BCAS3: variants seen among roughly 807,000 people sequenced by gnomAD.
The protein encoded by BCAS3 is BCAS3 microtubule associated cell migration factor, also known as BCAS4/BCAS3 fusion.
BCAS3 carries 53 observed loss-of-function variants against 116.1 expected under a neutral mutation model. That is an observed-to-expected ratio of 0.46 (90% confidence interval 0.37 to 0.57). BCAS3 has a LOEUF of 0.57. BCAS3 is among the 20% of genes least tolerant of loss of function. The pLI is 0.00. For missense variants in BCAS3, 917 were observed against 1,165.4 expected (o/e 0.79, Z 3.10); for synonymous variants, 391 against 408.2 (o/e 0.96, Z 0.51).
In BCAS3 at chr17:61,181,699, G is replaced by T. The variant is rs2079492563; in HGVS notation, c.2425+97135G>T. ...CATATAGAGATACACTGGATGATAA[G>T]AGTCAACTCTAAAATCAAAATAAAT... On this transcript the variant is annotated intron_variant, in intron 22 of 23. Transcript: ENST00000407086. The surrounding 1 kb of genome is among the most constrained non-coding windows in gnomAD (Gnocchi z 5.0). Among the ~76,000 whole-genome samples the T allele has an allele frequency of 6.6e-6, 1 of 152,166 alleles. No homozygotes were observed. Among genetic ancestry groups the T allele is most frequent in the Non-Finnish European group, 1.5e-5 (1 of 68,020 alleles).
At chr17:61,192,914 A>C (rs1601828331) in intron 22 of BCAS3, among the ~76,000 whole-genome samples, 1 of 152,244 alleles carries the variant, frequency 6.6e-6, no homozygotes, top group Non-Finnish European at 1.5e-5. Flanking sequence ...ATTAAAGCAT[A>C]TTCAAGACAA....
rs734729 is a variant in BCAS3 at position 61,315,595 on chromosome 17, A to G, written c.2426-52732A>G. Among the ~76,000 whole-genome samples the G allele has an allele frequency of 0.31, 47,061 of 152,084 alleles. 10,801 individuals are homozygous for G. Among genetic ancestry groups the G allele is most frequent in the African/African-American group, 0.65 (26,935 of 41,480 alleles). ...CCCAGGTATGGGCCAGTGAACCCCA[A>G]TGATGCTGGGGTGCCTCTTCCTGTC... is the stretch of plus-strand genomic sequence containing the variant. On this transcript the variant is annotated intron_variant, in intron 22 of 23. Coordinates refer to ENST00000407086, the MANE Select transcript of BCAS3 (RefSeq NM_017679.5). The surrounding 1 kb of genome is among the most constrained non-coding windows in gnomAD (Gnocchi z 5.3).
intron 7 of BCAS3, among the ~76,000 whole-genome samples, chr17:60,864,863 A>G (rs559828077): frequency 6.6e-6 from 1 of 152,258 alleles, no homozygotes; most frequent in Non-Finnish European, 1.5e-5. Flanking sequence ...TCTACTTTCA[A>G]TATTGCTGTG....
intron 5 of BCAS3, among the ~76,000 whole-genome samples, chr17:60,731,883 A>G (rs1568123731): frequency 1.3e-5 from 2 of 151,156 alleles, no homozygotes; most frequent in South Asian, 4.2e-4. Context: ...GGTTCAAGCA[A>G]TTCTCCCATC....
At chr17:60,809,249 G>A (rs2048565867) in intron 7 of BCAS3, among the ~76,000 whole-genome samples, 1 of 150,446 alleles carries the variant, frequency 6.6e-6, no homozygotes. Flanking sequence ...CTCCAGCCTG[G>A]GCAACAGTGA....
chr17:61,167,662 G>C lies in BCAS3; in HGVS notation c.2425+83098G>C, dbSNP rs537070238. On this transcript the variant is annotated intron_variant, in intron 22 of 23. Coordinates refer to ENST00000407086, the MANE Select transcript of BCAS3 (RefSeq NM_017679.5). Reference sequence around the variant, plus strand: ...GACCTCTAAAAAACTGGACTACAAGGTAAACTTAAGGAAATGACACAGAAG... The same window carrying C: ...GACCTCTAAAAAACTGGACTACAAGCTAAACTTAAGGAAATGACACAGAAG... Among the ~76,000 whole-genome samples the C allele has an allele frequency of 6.1e-4, 93 of 152,290 alleles. 2 individuals carry two copies. The South Asian group carries it at 0.019, about 31-fold the overall frequency.
rs1046829028 is a variant in BCAS3, at chr17:61,244,899, A to AG, written c.2426-123426dup. The stretch of plus-strand genomic sequence containing the variant: ...ATAAATAAAAAAGGATATATAGGGA[A>AG]GGAGCAATTTTTTAAAGATTTAACT... On this transcript the variant is annotated intron_variant, in intron 22 of 23. Transcript: ENST00000407086. This position sits in a 1 kb window ranked among gnomAD's most constrained non-coding sequence, Gnocchi z 4.9. 3.3e-5 allele frequency among the ~76,000 whole-genome samples: 5 copies of AG among 152,198 alleles called. No individual in the cohort carries two copies. Among genetic ancestry groups the AG allele is most frequent in the Non-Finnish European group, 7.3e-5 (5 of 68,032 alleles).
chr17:60,800,353 C>T (rs1295312709), intron 6 of BCAS3, among the ~76,000 whole-genome samples: 1 of 152,096 alleles, frequency 6.6e-6, no homozygotes, highest in African/African-American at 2.4e-5. Flanking sequence ...TTTACATTTC[C>T]CTAATGACTT....
At chr17:61,005,897 C>G (rs895451043) in intron 15 of BCAS3, among the ~76,000 whole-genome samples, 2 of 151,612 alleles carry the variant, frequency 1.3e-5, no homozygotes, top group African/African-American at 4.9e-5. Flanking sequence ...GCTGCACCCA[C>G]TAACTTGTCA....
At chr17:61,094,097 A>G (rs1365448311) in intron 22 of BCAS3, among the ~76,000 whole-genome samples, 11 of 152,256 alleles carry the variant, frequency 7.2e-5, no homozygotes, top group African/African-American at 2.7e-4. Context: ...GCCTGTTATC[A>G]TAGTAAAGGC....
chr17:61,135,022 A>G (rs1225147545), intron 22 of BCAS3, among the ~76,000 whole-genome samples: 5 of 152,204 alleles, frequency 3.3e-5, no homozygotes, highest in Admixed American at 6.5e-5. Context: ...GGTTTCCAGT[A>G]GTTTGAAGAC....
intron 6 of BCAS3, among the ~76,000 whole-genome samples, chr17:60,767,340 C>CTTTTTTTTTTTT (rs779804407): frequency 8.6e-6 from 1 of 116,426 alleles, no homozygotes; most frequent in Non-Finnish European, 1.7e-5. Context: ...CTCAGAAGTC[C>CTTTTTTTTTTTT]TTTTTTTTTT....
At chr17:61,266,291 G>A (rs2049704769) in intron 22 of BCAS3, among the ~76,000 whole-genome samples, 1 of 152,164 alleles carries the variant, frequency 6.6e-6, no homozygotes, top group Non-Finnish European at 1.5e-5. Context: ...ATAGGTAAAG[G>A]AGACAAATGG....
At chr17:61,311,205 T>C (rs1308569620) in intron 22 of BCAS3, among the ~76,000 whole-genome samples, 1 of 152,242 alleles carries the variant, frequency 6.6e-6, no homozygotes, top group African/African-American at 2.4e-5. Flanking sequence ...CTAAATGTGA[T>C]ATGTATATAT....
At chr17:60,942,636 T>C (rs1382446618) in intron 13 of BCAS3, among the ~76,000 whole-genome samples, 2 of 152,134 alleles carry the variant, frequency 1.3e-5, no homozygotes, top group Admixed American at 1.3e-4. Flanking sequence ...CTCTTGGAAA[T>C]AGCCAGGACA....
rs1347168258 is a variant in BCAS3, at chr17:61,224,333, G to A, written c.2425+139769G>A. On this transcript the variant is annotated intron_variant, in intron 22 of 23. Transcript: ENST00000407086. This position sits in a 1 kb window ranked among gnomAD's most constrained non-coding sequence, Gnocchi z 5.7. ...AGTTGTGGCAACATTCAAAGGAAAG[G>A]GAAATCAGTTTCCTCTTGAAGTTCA... Among the ~76,000 whole-genome samples the A allele has an allele frequency of 1.3e-5, 2 of 152,116 alleles. No individual in the cohort carries two copies. Among genetic ancestry groups the A allele is most frequent in the African/African-American group, 4.8e-5 (2 of 41,430 alleles).
chr17:61,082,184 A>C lies in BCAS3; in HGVS notation c.2328-2283A>C, dbSNP rs2072679844. Among the ~76,000 whole-genome samples, 1 of 152,184 alleles carries C rather than the reference A, an allele frequency of 6.6e-6. No individual in the cohort carries two copies. Among genetic ancestry groups the C allele is most frequent in the African/African-American group, 2.4e-5 (1 of 41,460 alleles). On this transcript the variant is annotated intron_variant, in intron 21 of 23. Coordinates refer to ENST00000407086, the MANE Select transcript of BCAS3 (RefSeq NM_017679.5). The surrounding 1 kb of genome is among the most constrained non-coding windows in gnomAD (Gnocchi z 5.1). ...TATGCAAAGCCTCTCTTTCCACTCG[A>C]TTAGCTCCTCAGAAATTGGTTATCA...
intron 6 of BCAS3, among the ~76,000 whole-genome samples, chr17:60,793,471 T>C (rs1259757751): frequency 1.3e-5 from 2 of 152,146 alleles, no homozygotes; most frequent in Non-Finnish European, 2.9e-5. Context: ...AGTTCTTTGG[T>C]GGTGATTTGT....
intron 22 of BCAS3, among the ~76,000 whole-genome samples, chr17:61,102,406 T>G (rs2074381991): frequency 6.6e-6 from 1 of 152,204 alleles, no homozygotes; most frequent in African/African-American, 2.4e-5. Context: ...ATTTGGTTAC[T>G]GAATACACTA....
Sources: allele counts gnomAD v4.1 joint callset (sites outside exome capture counted in the v4.1 genomes callset), GRCh38; gene constraint gnomAD v4.1.1; non-coding constraint Gnocchi (gnomAD v3.1); transcripts MANE v1.5; gene names NCBI Gene and HGNC (gene_info 2026-07-23, HGNC 2026-07-21).